The following ADAM2 variants were observed in gnomAD, a reference collection of about 807,000 sequenced individuals.
The protein encoded by ADAM2 is disintegrin and metalloproteinase domain-containing protein 2.
A neutral mutation model predicts 99.3 loss-of-function variants in ADAM2; 101 were observed. The ratio of observed to expected loss-of-function variants is 1.02; its 90% confidence interval spans 0.87 to 1.20. The LOEUF (loss-of-function observed/expected upper bound fraction) is 1.20. ADAM2 is among the 50% of genes most tolerant of loss of function. ADAM2 has a pLI of 0.00. For synonymous variants in ADAM2, 323 were observed against 287.6 expected (o/e 1.12, Z -1.25); for missense variants, 948 against 878.7 (o/e 1.08, Z -1.00).
At chr8:39,799,784 T>C (rs1323129455) in intron 7 of ADAM2, among the ~76,000 whole-genome samples, 5 of 152,242 alleles carry the variant, frequency 3.3e-5, no homozygotes, top group African/African-American at 4.8e-5. Context: ...TTTACCCTTA[T>C]GTAGTGTCCT....
chr8:39,827,708 T>C (rs1210115642), intron 3 of ADAM2, among the ~76,000 whole-genome samples: 1 of 152,072 alleles, frequency 6.6e-6, no homozygotes, highest in Non-Finnish European at 1.5e-5. Context: ...GAGAGTAGAA[T>C]GATGGTTTTT....
chr8:39,753,650 G>T (rs1293687410), intron 16 of ADAM2, among the ~76,000 whole-genome samples: 2 of 152,162 alleles, frequency 1.3e-5, no homozygotes, highest in Non-Finnish European at 2.9e-5. Context: ...ACTGCCTCAG[G>T]ACTTGGCACC....
chr8:39,778,318 C>A (rs1443525760), intron 10 of ADAM2, among the ~76,000 whole-genome samples: 3 of 151,954 alleles, frequency 2.0e-5, no homozygotes, highest in African/African-American at 7.2e-5. Flanking sequence ...AAAGATGACA[C>A]AAATGGATTA....
At position 39,838,131 on chromosome 8, in the gene ADAM2, T is replaced by C; in HGVS notation, c.55A>G (p.Asn19Asp). ...CCAGAGGAGGGGTTTTTCTGCTTACTACTGTCCATCCGCAGCCCGCCGAGC... is the reference window on the plus strand; with the variant it reads ...CCAGAGGAGGGGTTTTTCTGCTTACCACTGTCCATCCGCAGCCCGCCGAGC... ...SGLGGLRMDS[N>D]FDSLPVQITV... Residue 19 changes from asparagine to aspartate, a missense_variant and splice_region_variant, in exon 1 of 21, where the codon AAT becomes GAT. Physicochemically the swap from Asn to Asp is conservative, Grantham distance 23. Transcript: ENST00000265708. 1 of 1,614,142 alleles carries C rather than the reference T, an allele frequency of 6.2e-7. No homozygotes were observed. The highest frequency in any genetic ancestry group is 8.5e-7 in the Non-Finnish European group (1 of 1,180,016).
chr8:39,754,156 A>C (rs2129583200), intron 16 of ADAM2, among the ~76,000 whole-genome samples: 1 of 152,324 alleles, frequency 6.6e-6, no homozygotes, highest in East Asian at 1.9e-4. Flanking sequence ...TTGATGGGAC[A>C]TCACTTTTGT....
intron 11 of ADAM2, 89 bp from the exon 12 acceptor site, chr8:39,769,664 A>T: frequency 1.2e-6 from 1 of 813,650 alleles, no homozygotes; most frequent in Middle Eastern, 3.7e-4. Context: ...GCATTCCACA[A>T]CAGACCAAAT....
intron 20 of ADAM2, among the ~76,000 whole-genome samples, chr8:39,744,551 G>T (rs1033136613): frequency 6.6e-6 from 1 of 151,876 alleles, no homozygotes; most frequent in African/African-American, 2.4e-5. Flanking sequence ...ACCAAACACC[G>T]CATGTTCTCA....
intron 3 of ADAM2, among the ~76,000 whole-genome samples, chr8:39,831,916 A>G (rs1345933623): frequency 6.6e-6 from 1 of 152,196 alleles, no homozygotes; most frequent in Non-Finnish European, 1.5e-5. Flanking sequence ...AGAAAAAGCA[A>G]CAATTAAACT....
At chr8:39,777,643 A>G (rs573195513) in intron 10 of ADAM2, among the ~76,000 whole-genome samples, 256 of 152,128 alleles carry the variant, frequency 1.7e-3, no homozygotes, top group African/African-American at 5.8e-3. Flanking sequence ...ACTTCAGTTA[A>G]CAACACTTAC....
chr8:39,830,548 A>G (rs2129589128), intron 3 of ADAM2, among the ~76,000 whole-genome samples: 1 of 152,290 alleles, frequency 6.6e-6, no homozygotes, highest in South Asian at 2.1e-4. Context: ...CAATAGAAAC[A>G]AAGGCTGGTA....
In ADAM2 at chr8:39,834,732, CAAAAAAAAAA is replaced by C. The variant is rs79431764; in HGVS notation, c.133-743_133-734del. 4.9e-3 allele frequency among the ~76,000 whole-genome samples: 258 copies of C among 52,938 alleles called. 8 individuals carry two copies. Among genetic ancestry groups the C allele is most frequent in the African/African-American group, 0.021 (246 of 11,830 alleles). The allele number at this position is 52,938 out of a possible 152,430, so 34.7% of individuals were successfully genotyped here. A position where few individuals can be genotyped will look rare whatever the true frequency, so the allele number is the denominator to read the frequency against. The stretch of plus-strand genomic sequence containing the variant: ...CCTGGGCGACAGGGCAAGACTCCAT[CAAAAAAAAAA>C]AAAAAAAAAAAAAAAGGTTTTAGTC... On this transcript the variant is annotated intron_variant, in intron 2 of 20. Coordinates refer to ENST00000265708, the MANE Select transcript of ADAM2 (RefSeq NM_001464.5).
chr8:39,778,408 G>A (rs1298605236), intron 10 of ADAM2, among the ~76,000 whole-genome samples: 1 of 152,148 alleles, frequency 6.6e-6, no homozygotes, highest in Admixed American at 6.6e-5. Context: ...GAATGAAAGT[G>A]AGGTATTTAC....
intron 4 of ADAM2, among the ~76,000 whole-genome samples, chr8:39,822,524 C>T (rs955828374): frequency 6.8e-6 from 1 of 146,116 alleles, no homozygotes; most frequent in African/African-American, 2.7e-5. Flanking sequence ...TTTGCCTTCA[C>T]TATAATATCT....
chr8:39,747,572 G>C (rs1314526557), intron 18 of ADAM2, among the ~76,000 whole-genome samples: 2 of 152,066 alleles, frequency 1.3e-5, no homozygotes, highest in Non-Finnish European at 2.9e-5. Context: ...GCTTAATTTT[G>C]ATTTGAGATA....
Position 39,755,785 on chromosome 8 carries a change from A to T in ADAM2, c.1740T>A (p.Asp580Glu). Residue 580 changes from aspartate (D) to glutamate (E), a missense_variant, in exon 16 of 21, where the codon GAT (aspartate) becomes GAA (glutamate). Asp to Glu is a conservative substitution (Grantham distance 45). Coordinates refer to ENST00000265708, the MANE Select transcript of ADAM2 (RefSeq NM_001464.5). ...HLCIAVEFAS[D>E]HADSQKMWIK... ...TCCACATCTTTTGGCTGTCTGCATG[A>T]TCACTGGCAAATTCCACAGCAATGC... 6.2e-7 allele frequency: 1 copy of T among 1,613,722 alleles called. No individual in the cohort carries two copies.
At chr8:39,822,443 C>T (rs1805228833) in intron 4 of ADAM2, among the ~76,000 whole-genome samples, 1 of 151,480 alleles carries the variant, frequency 6.6e-6, no homozygotes, top group East Asian at 1.9e-4. Context: ...AATCAAAAAG[C>T]TTCACTTATT....
chr8:39,769,629 A>ACCCTT (rs1208026947), intron 11 of ADAM2, 54 bp from the exon 12 acceptor site: 3 of 1,253,230 alleles, frequency 2.4e-6, no homozygotes, highest in Non-Finnish European at 3.4e-6. Flanking sequence ...TAAACTACCT[A>ACCCTT]CCCTTAGAAT....
At chr8:39,801,467 AAC>A (rs1378527328) in intron 7 of ADAM2, among the ~76,000 whole-genome samples, 70 of 152,304 alleles carry the variant, frequency 4.6e-4, no homozygotes, top group African/African-American at 1.5e-3. Flanking sequence ...GGGGTCTGAC[AAC>A]CCCTCTTGGA....
intron 6 of ADAM2, among the ~76,000 whole-genome samples, chr8:39,812,957 GAGACTACC>G: frequency 6.6e-6 from 1 of 152,296 alleles, no homozygotes; most frequent in East Asian, 1.9e-4. Context: ...CACAGCAAAA[GAGACTACC>G]ATCAGAGTGA....
Sources: gnomAD v4.1 joint callset for allele counts (sites outside exome capture counted in the v4.1 genomes callset) on GRCh38, gnomAD v4.1.1 for gene constraint, MANE v1.5 for transcripts, NCBI Gene and HGNC (gene_info 2026-07-23, HGNC 2026-07-21) for gene names.